Variants in ANKRD6 observed in about 807,000 individuals in gnomAD.
The protein encoded by ANKRD6 is ankyrin repeat domain-containing protein 6.
In ANKRD6, 56 loss-of-function variants were observed where a neutral mutation model predicts 82.3. The ratio of observed to expected loss-of-function variants is 0.68; its 90% CI spans 0.55 to 0.85. The LOEUF (loss-of-function observed/expected upper bound fraction) is 0.85, where lower values mean the gene tolerates loss of function less well. Ranked by LOEUF, ANKRD6 falls within the 40% of genes least tolerant of loss-of-function variation. ANKRD6 has a pLI of 0.00. For synonymous variants in ANKRD6, 347 were observed against 352.1 expected (o/e 0.99, Z 0.16); for missense variants, 852 against 907.6 (o/e 0.94, Z 0.79).
Position 89,521,838 on chromosome 6 carries a change from C to T in ANKRD6, c.-143-44996C>T, listed in dbSNP as rs556146163. Among the ~76,000 whole-genome samples, 46 of 152,112 alleles carry T rather than the reference C, an allele frequency of 3.0e-4. 1 individual carries two copies. Among genetic ancestry groups the T allele is most frequent in the Non-Finnish European group, 5.3e-4 (36 of 68,016 alleles). On this transcript the variant is annotated intron_variant, in intron 1 of 15. Coordinates refer to ENST00000339746, the MANE Select transcript of ANKRD6 (RefSeq NM_001242809.2). ...CAAATATAAGTCTCCAATTCCATCT[C>T]CCAGGGAATAGCATTATTTATTTAT...
intron 2 of ANKRD6, among the ~76,000 whole-genome samples, chr6:89,578,365 G>C (rs938069332): frequency 3.6e-4 from 47 of 131,076 alleles, no homozygotes; most frequent in African/African-American, 1.3e-3. Context: ...GCCCAGTCTC[G>C]GCTCACTGTA....
intron 2 of ANKRD6, among the ~76,000 whole-genome samples, chr6:89,589,255 G>T (rs1249638283): frequency 1.3e-5 from 2 of 152,154 alleles, no homozygotes; most frequent in Non-Finnish European, 2.9e-5. Context: ...TCATGGCCCT[G>T]GGCTCCCAGG....
intron 2 of ANKRD6, among the ~76,000 whole-genome samples, chr6:89,588,154 G>A (rs902070342): frequency 7.7e-5 from 8 of 104,482 alleles, no homozygotes; most frequent in Admixed American, 5.9e-4. Flanking sequence ...AAATCTAAAC[G>A]AGGAGCCAGG....
intron 6 of ANKRD6, 103 bp downstream of exon 6, chr6:89,612,473 T>A: frequency 8.2e-7 from 1 of 1,214,358 alleles, no homozygotes; most frequent in Non-Finnish European, 1.1e-6. Flanking sequence ...AATTAAAATG[T>A]AAAAAGTATT....
At chr6:89,451,124 A>G (rs1312647208) in intron 1 of ANKRD6, among the ~76,000 whole-genome samples, 1 of 152,166 alleles carries the variant, frequency 6.6e-6, no homozygotes, top group East Asian at 1.9e-4. Flanking sequence ...CCTGGGCAAC[A>G]TGGTGAAACC....
At chr6:89,576,599 C>T (rs1352418146) in intron 2 of ANKRD6, among the ~76,000 whole-genome samples, 2 of 152,126 alleles carry the variant, frequency 1.3e-5, no homozygotes, top group African/African-American at 4.8e-5. Context: ...CACTGGTGAA[C>T]AAGACAGGAA....
At chr6:89,587,075 C>T (rs1312463081) in intron 2 of ANKRD6, among the ~76,000 whole-genome samples, 2 of 151,498 alleles carry the variant, frequency 1.3e-5, no homozygotes, top group Non-Finnish European at 2.9e-5. Flanking sequence ...CCTGTAATCT[C>T]AGCTACTTGG....
chr6:89,618,326 T>A, intron 9 of ANKRD6: 1 of 627,486 alleles, frequency 1.6e-6, no homozygotes, highest in Non-Finnish European at 2.8e-6. Context: ...AAGTTCCAGT[T>A]TAAGACATCG....
intron 1 of ANKRD6, among the ~76,000 whole-genome samples, chr6:89,507,457 A>G (rs1457919557): frequency 6.6e-6 from 1 of 152,220 alleles, no homozygotes; most frequent in Non-Finnish European, 1.5e-5. Context: ...TTGCAGCTCT[A>G]TGTTGAGCAA....
intron 13 of ANKRD6, among the ~76,000 whole-genome samples, chr6:89,627,042 T>C (rs192223860): frequency 1.5e-4 from 23 of 152,286 alleles, no homozygotes. Flanking sequence ...TGGGAAATAA[T>C]GTTTTAAGGC....
intron 1 of ANKRD6, among the ~76,000 whole-genome samples, chr6:89,435,388 T>C (rs1002358491): frequency 5.3e-5 from 8 of 152,224 alleles, no homozygotes; most frequent in African/African-American, 1.9e-4. Context: ...CTATTCTGGA[T>C]GTTGTGTTAA....
chr6:89,487,040 C>A (rs1275502595), intron 1 of ANKRD6, among the ~76,000 whole-genome samples: 1 of 152,084 alleles, frequency 6.6e-6, no homozygotes, highest in African/African-American at 2.4e-5. Context: ...AGGATGGTGC[C>A]GAAGAGTACA....
rs570268841 is a variant in ANKRD6, at chr6:89,435,845, T to C, written c.-144+2470T>C. Among the ~76,000 whole-genome samples, 236 of 152,346 alleles carry C rather than the reference T, an allele frequency of 1.5e-3. 1 individual carries two copies. Among genetic ancestry groups the C allele is most frequent in the Admixed American group, 3.4e-3 (52 of 15,302 alleles). ...TTAAGCTAAGAGTGACCTTTAAAAA[T>C]GGTTTTAACAACCCAAATTCCTCTT... On this transcript the variant is annotated intron_variant, in intron 1 of 15. Coordinates refer to ENST00000339746, the MANE Select transcript of ANKRD6 (RefSeq NM_001242809.2).
chr6:89,530,005 G>A (rs551561223), intron 1 of ANKRD6, among the ~76,000 whole-genome samples: 1 of 152,304 alleles, frequency 6.6e-6, no homozygotes, highest in South Asian at 2.1e-4. Flanking sequence ...TGTAATCCTA[G>A]CACTTGGGGA....
intron 1 of ANKRD6, chr6:89,562,463 T>G (rs948576295): frequency 6.6e-6 from 1 of 152,220 alleles, no homozygotes. Context: ...ACACGCACAC[T>G]CATCTTTTCT....
At chr6:89,501,840 T>TA (rs1429133334) in intron 1 of ANKRD6, among the ~76,000 whole-genome samples, 1 of 151,702 alleles carries the variant, frequency 6.6e-6, no homozygotes, top group Non-Finnish European at 1.5e-5. Context: ...TACAAGGAGT[T>TA]ATCTTAAAAA....
intron 1 of ANKRD6, among the ~76,000 whole-genome samples, chr6:89,476,711 A>T (rs1776077932): frequency 6.6e-6 from 1 of 152,258 alleles, no homozygotes; most frequent in Admixed American, 6.5e-5. Flanking sequence ...TACAGTGCTT[A>T]TAGAAAAATT....
chr6:89,445,369 C>A (rs933118464), intron 1 of ANKRD6, among the ~76,000 whole-genome samples: 1 of 145,272 alleles, frequency 6.9e-6, no homozygotes, highest in Admixed American at 7.3e-5. Flanking sequence ...CTCCCAGGTT[C>A]AAGTGATCCT....
At chr6:89,482,100 C>T (rs1457333347) in intron 1 of ANKRD6, among the ~76,000 whole-genome samples, 1 of 152,228 alleles carries the variant, frequency 6.6e-6, no homozygotes, top group Non-Finnish European at 1.5e-5. Context: ...ACTCCTTCCC[C>T]GCCTTTGCTT....
Sources: gnomAD v4.1 joint callset for allele counts (sites outside exome capture counted in the v4.1 genomes callset) on GRCh38, gnomAD v4.1.1 for gene constraint, MANE v1.5 for transcripts, NCBI Gene and HGNC (gene_info 2026-07-23, HGNC 2026-07-21) for gene names.